ABCA4: variants seen among roughly 807,000 people sequenced by gnomAD.
ABCA4 encodes ATP binding cassette subfamily A member 4.
ABCA4 carries 196 observed loss-of-function variants against 263.7 expected under a neutral mutation model. The observed-to-expected ratio is 0.74, with a 90% CI of 0.66 to 0.84. ABCA4 has a LOEUF of 0.84. ABCA4 is among the 40% of genes least tolerant of loss of function. ABCA4 has a pLI of 0.00. For missense variants in ABCA4, 2,792 were observed against 2,855.1 expected (o/e 0.98, Z 0.50); for synonymous variants, 1,133 against 1,094.2 (o/e 1.04, Z -0.70).
intron 30 of ABCA4, among the ~76,000 whole-genome samples, chr1:94,025,296 C>T (rs1418705153): frequency 2.0e-5 from 3 of 152,152 alleles, no homozygotes; most frequent in African/African-American, 7.2e-5. Context: ...AATCCATCTG[C>T]GTTTCTCCAG....
chr1:94,007,656 C>T lies in ABCA4; in HGVS notation c.5983G>A (p.Asp1995Asn). Residue 1995 changes from aspartate to asparagine, a missense_variant, in exon 43 of 50, where the codon GAT becomes AAT. By Grantham distance (23) the Asp-to-Asn change is conservative. Coordinates refer to ENST00000370225, the MANE Select transcript of ABCA4 (RefSeq NM_000350.3). ...CACCTCTTGCCTGCTACGGTGGCAT[C>T]CCCTGAGGTCACTGTGGTGTCCCCA... ...LTGDTTVTSGDATVAGKSILT... is the reference protein window; with the variant it reads ...LTGDTTVTSGNATVAGKSILT... The T allele has an allele frequency of 6.2e-7, 1 of 1,614,062 alleles. No homozygotes were observed. Among genetic ancestry groups the T allele is most frequent in the Non-Finnish European group, 8.5e-7 (1 of 1,179,994 alleles).
chr1:94,005,733 T>C, intron 43 of ABCA4, 151 bp from the exon 44 acceptor site: 1 of 699,758 alleles, frequency 1.4e-6, no homozygotes, highest in Non-Finnish European at 2.4e-6. Context: ...TATTTGGGAA[T>C]CAAAACAGGG....
At chr1:93,995,672 G>C (rs1006525559) in intron 49 of ABCA4, among the ~76,000 whole-genome samples, 7 of 152,190 alleles carry the variant, frequency 4.6e-5, no homozygotes, top group Admixed American at 3.9e-4. Flanking sequence ...ACACTGAAAT[G>C]ATGTGCCAGT....
intron 1 of ABCA4, among the ~76,000 whole-genome samples, chr1:94,115,643 A>C (rs1662738866): frequency 6.6e-6 from 1 of 152,204 alleles, no homozygotes; most frequent in African/African-American, 2.4e-5. Context: ...CTCCCAGAGC[A>C]GTCGTGAGGG....
chr1:94,052,850 T>TA (rs1296315516), intron 16 of ABCA4, among the ~76,000 whole-genome samples: 1 of 152,210 alleles, frequency 6.6e-6, no homozygotes, highest in African/African-American at 2.4e-5. Flanking sequence ...TGTCTTTTTT[T>TA]ATTCATAATA....
chr1:94,046,907 T>C lies in ABCA4; in HGVS notation c.2918+12A>G. Reference sequence around the variant, plus strand: ...CTAGCATGGCAGCCAGCTTCTCTGCTGGAAGACTCACAAGGTGGTGGTTTT... The same window carrying C: ...CTAGCATGGCAGCCAGCTTCTCTGCCGGAAGACTCACAAGGTGGTGGTTTT... On this transcript the variant is annotated intron_variant, in intron 19 of 49. Coordinates refer to ENST00000370225, the MANE Select transcript of ABCA4 (RefSeq NM_000350.3). 1 of 1,613,836 alleles carries C rather than the reference T, an allele frequency of 6.2e-7. No individual in the cohort carries two copies. Among genetic ancestry groups the C allele is most frequent in the East Asian group, 2.2e-5 (1 of 44,872 alleles).
chr1:94,120,164 C>T (rs1662910453), intron 1 of ABCA4, among the ~76,000 whole-genome samples: 1 of 152,232 alleles, frequency 6.6e-6, no homozygotes, highest in African/African-American at 2.4e-5. Context: ...GTTCTCTGAT[C>T]TCCGGCACCT....
At chr1:94,072,020 A>T (rs1661413125) in intron 11 of ABCA4, among the ~76,000 whole-genome samples, 1 of 152,246 alleles carries the variant, frequency 6.6e-6, no homozygotes, top group South Asian at 2.1e-4. Context: ...AGTACATTAC[A>T]TGATCAGCAG....
intron 11 of ABCA4, among the ~76,000 whole-genome samples, chr1:94,073,676 A>C (rs148359345): frequency 4.6e-5 from 7 of 152,322 alleles, no homozygotes; most frequent in African/African-American, 1.7e-4. Context: ...CCAGAGACTG[A>C]ATTCTTAACC....
chr1:93,993,182 C>A lies in ABCA4; in HGVS notation c.*55G>T, dbSNP rs201160433. On this transcript the variant is annotated 3_prime_UTR_variant, in exon 50 of 50. Coordinates refer to ENST00000370225, the MANE Select transcript of ABCA4 (RefSeq NM_000350.3). The stretch of plus-strand genomic sequence containing the variant: ...ATGACCATATGGGCACAGGCTCCTG[C>A]GCCTCCAGCTGCCCAGAGTTCCTTT... The A allele has an allele frequency of 4.5e-4, 718 of 1,612,784 alleles. 10 individuals are homozygous for A. The South Asian group carries it at 6.3e-3, about 14-fold the overall frequency.
chr1:94,112,031 C>T (rs1662621038), intron 2 of ABCA4, among the ~76,000 whole-genome samples: 1 of 152,172 alleles, frequency 6.6e-6, no homozygotes, highest in African/African-American at 2.4e-5. Flanking sequence ...AAAGAAGAGT[C>T]TGATGGACAG....
chr1:94,116,436 T>C (rs1662763717), intron 1 of ABCA4, among the ~76,000 whole-genome samples: 1 of 152,100 alleles, frequency 6.6e-6, no homozygotes, highest in South Asian at 2.1e-4. Flanking sequence ...ACGTCTCAGG[T>C]AGTTCCACCG....
At chr1:94,054,175 T>C (rs1296023217) in intron 16 of ABCA4, among the ~76,000 whole-genome samples, 4 of 152,248 alleles carry the variant, frequency 2.6e-5, no homozygotes, top group African/African-American at 9.6e-5. Context: ...TGATTTTCCA[T>C]GCTACAGATT....
chr1:94,030,301 A>G, intron 29 of ABCA4, 127 bp downstream of exon 29: 1 of 815,990 alleles, frequency 1.2e-6, no homozygotes, highest in Admixed American at 2.0e-5. Flanking sequence ...AGTGCTGGTC[A>G]GAGACATGGA....
rs114418355 is a variant in ABCA4, at chr1:94,095,139, C to T, written c.768+3655G>A. Among the ~76,000 whole-genome samples the T allele has an allele frequency of 9.8e-3, 1,495 of 152,210 alleles. 14 individuals carry two copies. Among genetic ancestry groups the T allele is most frequent in the Non-Finnish European group, 0.016 (1,070 of 68,018 alleles). On this transcript the variant is annotated intron_variant, in intron 6 of 49. Transcript: ENST00000370225. ...GTGTGCAAATGAGCGTGTGAGTGTACGCGCGGGGATGGGTGGGATGGTGTG... is the reference window on the plus strand; with the variant it reads ...GTGTGCAAATGAGCGTGTGAGTGTATGCGCGGGGATGGGTGGGATGGTGTG...
chr1:94,029,370 C>G, intron 30 of ABCA4, 75 bp downstream of exon 30: 1 of 1,319,658 alleles, frequency 7.6e-7, no homozygotes, highest in Non-Finnish European at 1.0e-6. Flanking sequence ...GTGAGAGACT[C>G]AGGAGATACC....
At chr1:94,010,485 A>G in intron 40 of ABCA4, 1 of 438,540 alleles carries the variant, frequency 2.3e-6, no homozygotes, top group Non-Finnish European at 4.3e-6. Flanking sequence ...GATACCCTGT[A>G]ACCATTGTTA....
intron 2 of ABCA4, 140 bp from the exon 3 acceptor site, chr1:94,111,719 C>CGGAGCGACGCAGAAGACGGTG: frequency 9.5e-7 from 1 of 1,053,718 alleles, no homozygotes; most frequent in African/African-American, 1.6e-5. Flanking sequence ...GAAGCAGGAG[C>CGGAGCGACGCAGAAGACGGTG]ATCTCATGTG....
At position 94,019,591 on chromosome 1, in the gene ABCA4, G is replaced by T. The variant is rs370645926; in HGVS notation, c.5187C>A (p.Leu1729=). 7.5e-6 allele frequency: 12 copies of T among 1,606,368 alleles called. No individual in the cohort carries two copies. Among genetic ancestry groups the T allele is most frequent in the African/African-American group, 1.3e-5 (1 of 74,792 alleles). ...SPTTYWVTNF[L]WDIMNYSVSA... ...GTAAACTGACACTTACGATGTCCCAGAGGAAGTTGGTCACCCAGTAGGTGG... is the reference window on the plus strand; with the variant it reads ...GTAAACTGACACTTACGATGTCCCATAGGAAGTTGGTCACCCAGTAGGTGG... Residue 1729 remains leucine, a synonymous_variant, in exon 36 of 50, where the codon CTC becomes CTA. Transcript: ENST00000370225.
Sources: allele counts gnomAD v4.1 joint callset (sites outside exome capture counted in the v4.1 genomes callset), GRCh38; gene constraint gnomAD v4.1.1; transcripts MANE v1.5; gene names NCBI Gene and HGNC (gene_info 2026-07-23, HGNC 2026-07-21).